DCDC2C: variants seen among roughly 807,000 people sequenced by gnomAD.
DCDC2C encodes the protein doublecortin domain-containing protein 2C.
Under a neutral mutation model 45.0 loss-of-function variants are expected in DCDC2C, and 44 were observed. The observed-to-expected ratio is 0.98, with a 90% CI of 0.77 to 1.26. The LOEUF (loss-of-function observed/expected upper bound fraction) is 1.26. DCDC2C is among the 50% of genes most tolerant of loss of function. The pLI is 0.00. For synonymous variants in DCDC2C, 187 were observed against 178.8 expected, an observed-to-expected ratio of 1.05 and a Z score of -0.37; for missense variants, 447 against 468.9, an observed-to-expected ratio of 0.95 and a Z score of 0.43.
intron 10 of DCDC2C, among the ~76,000 whole-genome samples, chr2:3,813,155 T>G (rs989399640): frequency 6.6e-6 from 1 of 150,910 alleles, no homozygotes; most frequent in Non-Finnish European, 1.5e-5. Flanking sequence ...CACTGCAACC[T>G]CCACCTCTCG....
intron 10 of DCDC2C, among the ~76,000 whole-genome samples, chr2:3,803,758 C>T (rs980086164): frequency 3.3e-5 from 5 of 152,332 alleles, no homozygotes; most frequent in African/African-American, 1.2e-4. Context: ...CACTGCACAC[C>T]TGTTTCCAGC....
intron 6 of DCDC2C, among the ~76,000 whole-genome samples, chr2:3,758,167 G>A (rs1039951293): frequency 2.0e-5 from 3 of 152,234 alleles, no homozygotes; most frequent in Admixed American, 2.0e-4. Flanking sequence ...AGGTGGAGCA[G>A]AACAGTGGGA....
intron 10 of DCDC2C, among the ~76,000 whole-genome samples, chr2:3,790,457 T>G (rs1670774453): frequency 6.6e-6 from 1 of 152,172 alleles, no homozygotes; most frequent in Non-Finnish European, 1.5e-5. Context: ...TAACAATCAT[T>G]TCCTCTCCTT....
At chr2:3,789,991 T>C (rs566892553) in intron 10 of DCDC2C, among the ~76,000 whole-genome samples, 2 of 152,054 alleles carry the variant, frequency 1.3e-5, no homozygotes. Flanking sequence ...AAAAAGAGAG[T>C]CATGTCTATT....
chr2:3,756,144 CAAG>C (rs1340275677), intron 6 of DCDC2C, among the ~76,000 whole-genome samples: 4 of 152,076 alleles, frequency 2.6e-5, no homozygotes, highest in East Asian at 3.9e-4. Flanking sequence ...GGAATAATGA[CAAG>C]GAGGTATCAG....
At chr2:3,744,641 T>C (rs17446920) in intron 4 of DCDC2C, among the ~76,000 whole-genome samples, 17,388 of 152,266 alleles carry the variant, frequency 0.11, 1,120 homozygotes, top group South Asian at 0.17. Context: ...TGCCTTATGC[T>C]TTTGTCAGTT....
chr2:3,811,007 G>A (rs1222349966), intron 10 of DCDC2C, among the ~76,000 whole-genome samples: 1 of 152,170 alleles, frequency 6.6e-6, no homozygotes, highest in East Asian at 1.9e-4. Context: ...TTGAAGTCAG[G>A]TAGTGTGATG....
At chr2:3,789,520 C>T (rs781456759) in intron 10 of DCDC2C, among the ~76,000 whole-genome samples, 1 of 152,234 alleles carries the variant, frequency 6.6e-6, no homozygotes, top group Non-Finnish European at 1.5e-5. Context: ...TTAATGCTCT[C>T]ATCCTTCAGG....
chr2:3,805,976 A>T (rs1177188659), intron 10 of DCDC2C, among the ~76,000 whole-genome samples: 1 of 152,178 alleles, frequency 6.6e-6, no homozygotes, highest in Admixed American at 6.5e-5. Flanking sequence ...TACTACCAGC[A>T]TGTGACACCA....
At chr2:3,794,925 C>A (rs990660843) in intron 10 of DCDC2C, among the ~76,000 whole-genome samples, 25 of 152,052 alleles carry the variant, frequency 1.6e-4, no homozygotes, top group African/African-American at 6.0e-4. Context: ...TTCTAGATCC[C>A]TGAGGAATCG....
chr2:3,833,152 C>T (rs1213487530), intron 10 of DCDC2C, among the ~76,000 whole-genome samples: 1 of 152,208 alleles, frequency 6.6e-6, no homozygotes, highest in Non-Finnish European at 1.5e-5. Flanking sequence ...TCACGTTGCC[C>T]TCTGGCTCTT....
chr2:3,773,144 A>G, intron 8 of DCDC2C, among the ~76,000 whole-genome samples: 1 of 152,138 alleles, frequency 6.6e-6, no homozygotes, highest in East Asian at 1.9e-4. Context: ...AGCAAGAGGG[A>G]CAGGGTTTCG....
chr2:3,790,830 C>T (rs538992543), intron 10 of DCDC2C, among the ~76,000 whole-genome samples: 59 of 152,184 alleles, frequency 3.9e-4, no homozygotes, highest in African/African-American at 1.2e-3. Context: ...GGTTCTAGGC[C>T]GGGCGCGGTG....
chr2:3,843,255 G>A (rs941833688), intron 10 of DCDC2C, among the ~76,000 whole-genome samples: 3 of 152,152 alleles, frequency 2.0e-5, no homozygotes, highest in African/African-American at 7.2e-5. Context: ...TGGACAAAAT[G>A]GACCGCGCTG....
chr2:3,806,081 C>T (rs12711977), intron 10 of DCDC2C, among the ~76,000 whole-genome samples: 32,766 of 151,984 alleles, frequency 0.22, 3,697 homozygotes, highest in South Asian at 0.36. Context: ...AGTGATCCTC[C>T]TGCCTTGGCC....
intron 10 of DCDC2C, among the ~76,000 whole-genome samples, chr2:3,803,234 C>G (rs559360791): frequency 6.6e-6 from 1 of 152,266 alleles, no homozygotes; most frequent in African/African-American, 2.4e-5. Context: ...ATTTCATTAT[C>G]TACTCTATCC....
Position 3,712,221 on chromosome 2 carries a change from C to T in DCDC2C, c.339+3621C>T, listed in dbSNP as rs1198517062. On this transcript the variant is annotated intron_variant, in intron 2 of 10. Coordinates refer to ENST00000399143, the MANE Select transcript of DCDC2C (RefSeq NM_001287444.2). Reference sequence around the variant, plus strand: ...TTCAGAGCTGTGTCCTGCTGCCCCACACGAGAACACAGAGCTAATCAGTCA... The same window carrying T: ...TTCAGAGCTGTGTCCTGCTGCCCCATACGAGAACACAGAGCTAATCAGTCA... Among the ~76,000 whole-genome samples, 3 of 152,280 alleles carry T rather than the reference C, an allele frequency of 2.0e-5. No homozygotes were observed. In the East Asian group the frequency reaches 5.8e-4, roughly 29 times the overall value.
chr2:3,837,105 A>G (rs973567332), intron 10 of DCDC2C, among the ~76,000 whole-genome samples: 1 of 151,872 alleles, frequency 6.6e-6, no homozygotes, highest in Non-Finnish European at 1.5e-5. Context: ...CTCCTGCTGG[A>G]CCCCTGAGAC....
At chr2:3,723,891 C>T (rs1458649443) in intron 2 of DCDC2C, among the ~76,000 whole-genome samples, 2 of 152,070 alleles carry the variant, frequency 1.3e-5, no homozygotes, top group African/African-American at 4.8e-5. Context: ...TGGATAAAAT[C>T]AGCAATTCTA....
Sources: allele counts gnomAD v4.1 joint callset (sites outside exome capture counted in the v4.1 genomes callset), GRCh38; gene constraint gnomAD v4.1.1; transcripts MANE v1.5; gene names NCBI Gene and HGNC (gene_info 2026-07-23, HGNC 2026-07-21).